ADCY5: variants seen among roughly 807,000 people sequenced by gnomAD.
The protein encoded by ADCY5 is adenylate cyclase 5, also known as adenylate cyclase type 5.
ADCY5 carries 30 observed loss-of-function variants against 119.7 expected under a neutral mutation model. That is an observed-to-expected ratio of 0.25 (90% CI 0.19 to 0.34). The LOEUF is 0.34. ADCY5 is among the 10% of genes least tolerant of loss of function. ADCY5 has a pLI of 1.00. For synonymous variants in ADCY5, 753 were observed against 762.2 expected (o/e 0.99, Z 0.20); for missense variants, 1,324 against 1,775.2 (o/e 0.75, Z 4.57).
intron 1 of ADCY5, among the ~76,000 whole-genome samples, chr3:123,356,368 G>A (rs772905157): frequency 1.2e-4 from 18 of 152,136 alleles, no homozygotes; most frequent in Admixed American, 3.3e-4. Context: ...TACAACCCAC[G>A]GAATGGGGAA....
chr3:123,307,983 T>A (rs1306114906), intron 12 of ADCY5, among the ~76,000 whole-genome samples: 1 of 151,068 alleles, frequency 6.6e-6, no homozygotes, highest in East Asian at 1.9e-4. Flanking sequence ...CTTGCTTGCT[T>A]GCTACAAGCC....
At chr3:123,350,249 G>A (rs1040350438) in intron 2 of ADCY5, among the ~76,000 whole-genome samples, 2 of 152,196 alleles carry the variant, frequency 1.3e-5, no homozygotes, top group Non-Finnish European at 2.9e-5. Context: ...TGTTAACTGT[G>A]TGTGAGGAGA....
chr3:123,348,815 C>T (rs188096257), intron 2 of ADCY5, among the ~76,000 whole-genome samples: 1 of 152,296 alleles, frequency 6.6e-6, no homozygotes, highest in South Asian at 2.1e-4. Context: ...GGCTGGTGCA[C>T]ATCATTCGCT....
At chr3:123,350,148 C>T (rs1158527856) in intron 2 of ADCY5, among the ~76,000 whole-genome samples, 1 of 152,256 alleles carries the variant, frequency 6.6e-6, no homozygotes, top group Non-Finnish European at 1.5e-5. Context: ...GCTCCTCACC[C>T]TCCTTCAGGG....
chr3:123,382,054 G>A (rs1944051267), intron 1 of ADCY5, among the ~76,000 whole-genome samples: 2 of 152,134 alleles, frequency 1.3e-5, no homozygotes, highest in Non-Finnish European at 2.9e-5. Context: ...TTGTCCCTCT[G>A]CTCCAGCCAT....
chr3:123,288,449 T>C (rs1479359270), intron 19 of ADCY5, among the ~76,000 whole-genome samples: 1 of 152,214 alleles, frequency 6.6e-6, no homozygotes, highest in African/African-American at 2.4e-5. Context: ...ATTCTTTACC[T>C]CCACAGACCT....
chr3:123,380,623 A>G (rs16834219), intron 1 of ADCY5, among the ~76,000 whole-genome samples: 72,086 of 152,026 alleles, frequency 0.47, 17,879 homozygotes, highest in East Asian at 0.69. Context: ...CCCATGAGAA[A>G]TGCAAATGTC....
intron 12 of ADCY5, among the ~76,000 whole-genome samples, chr3:123,311,678 C>G (rs1940591109): frequency 6.6e-6 from 1 of 152,130 alleles, no homozygotes; most frequent in African/African-American, 2.4e-5. Flanking sequence ...AATGGATGGA[C>G]CACCAGCCCA....
chr3:123,438,416 T>C (rs1183539244), intron 1 of ADCY5, among the ~76,000 whole-genome samples: 1 of 152,224 alleles, frequency 6.6e-6, no homozygotes, highest in Non-Finnish European at 1.5e-5. Context: ...CAGTAACCCA[T>C]GGTCAACCAC....
At position 123,283,922 on chromosome 3, in the gene ADCY5, T is replaced by C. The variant is rs1457179612; in HGVS notation, c.*686A>G. On this transcript the variant is annotated 3_prime_UTR_variant, in exon 21 of 21. Transcript: ENST00000462833. ...TTACACGCATACAACTAGCATAGTC[T>C]AAAGAAGGGCACGGAGAACTTGTTT... 6.6e-6 allele frequency: 1 copy of C among 152,260 alleles called. No homozygotes were observed. The allele number at this position is 152,260 out of a possible 1,614,324, so 9.4% of individuals were successfully genotyped here. A position where few individuals can be genotyped will look rare whatever the true frequency, so the allele number is the denominator to read the frequency against.
intron 1 of ADCY5, chr3:123,367,863 C>A: frequency 2.0e-6 from 3 of 1,518,396 alleles, no homozygotes; most frequent in African/African-American, 1.4e-5. Context: ...AAAAAAAAAA[C>A]ACCAAAGAGA....
chr3:123,383,830 GCACA>G (rs745675506), intron 1 of ADCY5, among the ~76,000 whole-genome samples: 21 of 149,778 alleles, frequency 1.4e-4, no homozygotes, highest in African/African-American at 4.7e-4. Flanking sequence ...AGGTGCACGT[GCACA>G]CACACACACT....
intron 5 of ADCY5, among the ~76,000 whole-genome samples, chr3:123,330,076 C>T (rs1470634618): frequency 6.6e-6 from 1 of 152,222 alleles, no homozygotes; most frequent in Non-Finnish European, 1.5e-5. Flanking sequence ...GAGTCCTGGT[C>T]TCTCTCCCTT....
intron 1 of ADCY5, among the ~76,000 whole-genome samples, chr3:123,396,735 A>G (rs868806713): frequency 2.1e-4 from 2 of 9,426 alleles, no homozygotes; most frequent in African/African-American, 4.8e-4. Context: ...GGGAGGAAGG[A>G]AGGAAGGAAG....
Position 123,330,835 on chromosome 3 carries a change from C to T in ADCY5, c.1646+54G>A, listed in dbSNP as rs201213633. On this transcript the variant is annotated intron_variant, in intron 5 of 20. Transcript: ENST00000462833. The stretch of plus-strand genomic sequence containing the variant: ...GCAGCCGGCAGGTCAGTCAGTCGCT[C>T]GGGCTGTGGACAGTCCCAGGGAGGG... 1,646 of 1,524,222 alleles carry T rather than the reference C, an allele frequency of 1.1e-3. 1 individual carries two copies. Among genetic ancestry groups the T allele is most frequent in the Non-Finnish European group, 1.4e-3 (1,545 of 1,134,564 alleles). 94.4% of individuals were successfully genotyped at this position (1,524,222 alleles called of 1,614,324 possible). A position where few individuals can be genotyped will look rare whatever the true frequency, so the allele number is the denominator to read the frequency against.
chr3:123,310,311 A>G (rs1230636101), intron 12 of ADCY5, among the ~76,000 whole-genome samples: 1 of 152,058 alleles, frequency 6.6e-6, no homozygotes, highest in Non-Finnish European at 1.5e-5. Context: ...CAAAAGTACC[A>G]GCACTGTCAG....
chr3:123,415,578 C>T (rs1945167169), intron 1 of ADCY5, among the ~76,000 whole-genome samples: 1 of 152,178 alleles, frequency 6.6e-6, no homozygotes, highest in South Asian at 2.1e-4. Flanking sequence ...TTTCCTGCAA[C>T]CAGAAAGCGG....
chr3:123,284,296 C>T lies in ADCY5; in HGVS notation c.*312G>A, dbSNP rs985691353. 3.1e-5 allele frequency: 10 copies of T among 323,758 alleles called. 1 individual carries two copies. In the South Asian group the frequency reaches 3.6e-4, roughly 12 times the overall value. The allele number at this position is 323,758 out of a possible 1,614,324, so 20.1% of individuals were successfully genotyped here. Reference sequence around the variant, plus strand: ...TCTGGGCCGTGCCACACACACATTCCCACGGCTCCTTTCCACCTGTGCAGC... The same window carrying T: ...TCTGGGCCGTGCCACACACACATTCTCACGGCTCCTTTCCACCTGTGCAGC... On this transcript the variant is annotated 3_prime_UTR_variant, in exon 21 of 21. Coordinates refer to ENST00000462833, the MANE Select transcript of ADCY5 (RefSeq NM_183357.3).
chr3:123,384,397 C>T (rs2107567421), intron 1 of ADCY5, among the ~76,000 whole-genome samples: 1 of 152,304 alleles, frequency 6.6e-6, no homozygotes, highest in Admixed American at 6.5e-5. Context: ...ACTGAGTCGC[C>T]CTGGGTCAGG....
Sources: gnomAD v4.1 joint callset for allele counts (sites outside exome capture counted in the v4.1 genomes callset) on GRCh38, gnomAD v4.1.1 for gene constraint, MANE v1.5 for transcripts, NCBI Gene and HGNC (gene_info 2026-07-23, HGNC 2026-07-21) for gene names.